Variants in TACR1 observed in about 807,000 individuals in gnomAD.
TACR1 encodes tachykinin receptor 1.
TACR1 carries 25 observed loss-of-function variants against 35.8 expected under a neutral mutation model. That is an observed-to-expected ratio of 0.70 (90% CI 0.51 to 0.98). The LOEUF (loss-of-function observed/expected upper bound fraction) is 0.98, where lower values mean the gene tolerates loss of function less well. TACR1 is among the 50% of genes least tolerant of loss of function. The pLI, the probability that TACR1 is intolerant of heterozygous loss-of-function variation, is 0.00. For missense variants in TACR1, 478 were observed against 522.9 expected (o/e 0.91, Z 0.84); for synonymous variants, 195 against 206.7 (o/e 0.94, Z 0.48).
At position 75,053,650 on chromosome 2, in the gene TACR1, C is replaced by G. The variant is rs755301134; in HGVS notation, c.690G>C (p.Gly230=). The G allele has an allele frequency of 1.7e-5, 28 of 1,600,890 alleles. No individual in the cohort carries two copies. The highest frequency in any genetic ancestry group is 2.2e-5 in the Non-Finnish European group (26 of 1,173,314). The part of the protein sequence containing the change: ...GITLWASEIP[G]DSSDRYHEQV... Reference sequence around the variant, plus strand: ...GCTCGTGGTAGCGGTCAGAGGAGTCCCCGGGGATCTCACTGGCCCATAGTG... The same window carrying G: ...GCTCGTGGTAGCGGTCAGAGGAGTCGCCGGGGATCTCACTGGCCCATAGTG... The change falls in exon 3 of 5, where the codon GGG becomes GGC. Residue 230 remains glycine, a synonymous_variant. Transcript: ENST00000305249.
At chr2:75,132,731 C>T (rs1053611329) in intron 1 of TACR1, among the ~76,000 whole-genome samples, 12 of 152,096 alleles carry the variant, frequency 7.9e-5, no homozygotes, top group African/African-American at 2.2e-4. Flanking sequence ...CCTTCAGAGA[C>T]GATATACAAT....
At chr2:75,128,283 A>G (rs975423212) in intron 1 of TACR1, among the ~76,000 whole-genome samples, 1 of 152,308 alleles carries the variant, frequency 6.6e-6, no homozygotes, top group Non-Finnish European at 1.5e-5. Context: ...GAACTCCTTA[A>G]TGCTATTTTG....
At chr2:75,143,482 T>G (rs1191951067) in intron 1 of TACR1, among the ~76,000 whole-genome samples, 6 of 152,226 alleles carry the variant, frequency 3.9e-5, no homozygotes, top group African/African-American at 1.4e-4. Context: ...TTTGCATTGG[T>G]TAACACTGAT....
chr2:75,088,447 G>A (rs1243760558), intron 2 of TACR1, among the ~76,000 whole-genome samples: 1 of 152,082 alleles, frequency 6.6e-6, no homozygotes, highest in Non-Finnish European at 1.5e-5. Flanking sequence ...TAGTCAACAT[G>A]GTTATATAAT....
chr2:75,159,280 G>C (rs1674944007), intron 1 of TACR1, among the ~76,000 whole-genome samples: 1 of 152,056 alleles, frequency 6.6e-6, no homozygotes, highest in African/African-American at 2.4e-5. Flanking sequence ...AAAGAATTTA[G>C]ATAAGAAAGA....
chr2:75,064,310 G>C (rs1283033162), intron 2 of TACR1, among the ~76,000 whole-genome samples: 1 of 152,152 alleles, frequency 6.6e-6, no homozygotes, highest in East Asian at 1.9e-4. Context: ...AATTTCAACT[G>C]GGTAGATACG....
At chr2:75,126,753 G>T (rs142275339) in intron 1 of TACR1, among the ~76,000 whole-genome samples, 1 of 152,152 alleles carries the variant, frequency 6.6e-6, no homozygotes, top group Non-Finnish European at 1.5e-5. Context: ...TCTGACAACG[G>T]TCTAATATCC....
intron 2 of TACR1, among the ~76,000 whole-genome samples, chr2:75,091,148 T>C (rs1053417059): frequency 6.9e-5 from 10 of 144,944 alleles, no homozygotes; most frequent in African/African-American, 2.3e-4. Context: ...CACATTATAG[T>C]GCTTCACAGA....
chr2:75,099,394 T>C (rs1673488622), intron 2 of TACR1, among the ~76,000 whole-genome samples: 1 of 152,178 alleles, frequency 6.6e-6, no homozygotes, highest in South Asian at 2.1e-4. Context: ...CTGTTACAAT[T>C]CTCTCTGTGG....
chr2:75,179,152 T>C (rs556637718), intron 1 of TACR1, among the ~76,000 whole-genome samples: 11 of 152,308 alleles, frequency 7.2e-5, no homozygotes, highest in Admixed American at 5.2e-4. Context: ...TTTCCAGTCT[T>C]CCCCATCTCT....
chr2:75,174,324 C>T (rs563317304), intron 1 of TACR1, among the ~76,000 whole-genome samples: 153 of 152,308 alleles, frequency 1.0e-3, no homozygotes, highest in African/African-American at 3.6e-3. Flanking sequence ...CAGCAGATGC[C>T]TGAAACCATG....
intron 2 of TACR1, among the ~76,000 whole-genome samples, chr2:75,057,633 C>T (rs1168458237): frequency 6.6e-6 from 1 of 152,110 alleles, no homozygotes; most frequent in Non-Finnish European, 1.5e-5. Flanking sequence ...TAGGCAAATT[C>T]GTGGAGACAG....
intron 3 of TACR1, 113 bp from the exon 4 acceptor site, chr2:75,051,560 T>C: frequency 6.6e-7 from 1 of 1,512,604 alleles, no homozygotes; most frequent in South Asian, 1.3e-5. Context: ...GCGAGAAGTA[T>C]TTAAAAGACG....
chr2:75,070,084 A>G (rs1672847197), intron 2 of TACR1, among the ~76,000 whole-genome samples: 1 of 152,084 alleles, frequency 6.6e-6, no homozygotes, highest in Non-Finnish European at 1.5e-5. Context: ...TCATTCCTTT[A>G]TATCAGTATG....
chr2:75,138,252 C>T (rs767518168), intron 1 of TACR1, among the ~76,000 whole-genome samples: 3 of 152,184 alleles, frequency 2.0e-5, no homozygotes, highest in Non-Finnish European at 2.9e-5. Flanking sequence ...CTGGGAATGG[C>T]TCAGTCACAG....
At chr2:75,120,033 G>A (rs1194224030) in intron 2 of TACR1, among the ~76,000 whole-genome samples, 1 of 152,058 alleles carries the variant, frequency 6.6e-6, no homozygotes, top group Non-Finnish European at 1.5e-5. Context: ...GTGAGAGATG[G>A]GTGTTCAGAT....
At chr2:75,061,792 T>C (rs1204427690) in intron 2 of TACR1, among the ~76,000 whole-genome samples, 3 of 152,260 alleles carry the variant, frequency 2.0e-5, no homozygotes, top group African/African-American at 7.2e-5. Flanking sequence ...GTGGAGTCAA[T>C]TCCCATGGGG....
chr2:75,094,662 A>T (rs541900738), intron 2 of TACR1, among the ~76,000 whole-genome samples: 1 of 151,478 alleles, frequency 6.6e-6, no homozygotes, highest in African/African-American at 2.4e-5. Context: ...GATGGTGGTG[A>T]TAGAGGTGGA....
At chr2:75,162,670 A>G (rs920471804) in intron 1 of TACR1, among the ~76,000 whole-genome samples, 7 of 152,208 alleles carry the variant, frequency 4.6e-5, no homozygotes, top group African/African-American at 1.7e-4. Context: ...TTGAAGGTCA[A>G]TATGATGATA....
Sources: gnomAD v4.1 joint callset for allele counts (sites outside exome capture counted in the v4.1 genomes callset) on GRCh38, gnomAD v4.1.1 for gene constraint, MANE v1.5 for transcripts, NCBI Gene and HGNC (gene_info 2026-07-23, HGNC 2026-07-21) for gene names.